Variants in ASB7 observed in about 807,000 individuals in gnomAD.
The protein encoded by ASB7 is ankyrin repeat and SOCS box protein 7.
Under a neutral mutation model 32.5 loss-of-function variants are expected in ASB7, and 4 were observed. The ratio of observed to expected loss-of-function variants is 0.12; its 90% CI spans 0.06 to 0.28. The LOEUF is 0.28. Among genes scored for constraint, ASB7 ranks in the 10% least tolerant of loss-of-function variants. The pLI is 1.00. For synonymous variants in ASB7, 172 were observed against 155.6 expected, an observed-to-expected ratio of 1.11 and a Z score of -0.78; for missense variants, 181 against 407.1, an observed-to-expected ratio of 0.44 and a Z score of 4.78.
At chr15:100,636,749 A>G (rs917940154) in intron 5 of ASB7, among the ~76,000 whole-genome samples, 1 of 152,128 alleles carries the variant, frequency 6.6e-6, no homozygotes, top group South Asian at 2.1e-4. Context: ...ACAAAACAAA[A>G]ATTGTTTTTT....
intron 5 of ASB7, among the ~76,000 whole-genome samples, chr15:100,635,143 C>T (rs779920651): frequency 2.6e-5 from 4 of 152,200 alleles, no homozygotes; most frequent in Non-Finnish European, 5.9e-5. Flanking sequence ...CACCTTGTCA[C>T]TCCTGTTTCC....
At chr15:100,623,479 G>C (rs1371638866) in intron 4 of ASB7, among the ~76,000 whole-genome samples, 2 of 152,180 alleles carry the variant, frequency 1.3e-5, no homozygotes, top group Non-Finnish European at 2.9e-5. Flanking sequence ...GCAGGCATGT[G>C]AAAAATTGCT....
At chr15:100,612,117 A>G in intron 3 of ASB7, 49 bp from the exon 4 acceptor site, 1 of 976,954 alleles carries the variant, frequency 1.0e-6, no homozygotes, top group East Asian at 2.6e-5. Context: ...ATGCAGTATC[A>G]GGAACCAGTT....
chr15:100,629,906 G>C lies in ASB7; in HGVS notation c.681G>C (p.Val227=), dbSNP rs1567115944. 1.9e-6 allele frequency: 3 copies of C among 1,614,188 alleles called. No homozygotes were observed. Among genetic ancestry groups the C allele is most frequent in the Non-Finnish European group, 2.5e-6 (3 of 1,180,026 alleles). Residue 227 remains valine, a synonymous_variant, in exon 5 of 6, where the codon GTG becomes GTC. Coordinates refer to ENST00000332783, the MANE Select transcript of ASB7 (RefSeq NM_198243.3). The surrounding 1 kb of genome is among the most constrained non-coding windows in gnomAD (Gnocchi z 6.8). ...PLHLSALRDD[V]LCARMLYNYG... Reference sequence around the variant, plus strand: ...ACTTATCTGCCCTTAGGGATGATGTGCTGTGTGCACGGATGTTATATAATT... The same window carrying C: ...ACTTATCTGCCCTTAGGGATGATGTCCTGTGTGCACGGATGTTATATAATT...
intron 5 of ASB7, among the ~76,000 whole-genome samples, chr15:100,635,493 G>A (rs1237268131): frequency 6.6e-6 from 1 of 152,118 alleles, no homozygotes; most frequent in Non-Finnish European, 1.5e-5. Context: ...CTGTGAATTG[G>A]GCTGTGAGTC....
chr15:100,604,020 T>A (rs1381538176), intron 2 of ASB7, among the ~76,000 whole-genome samples: 1 of 152,210 alleles, frequency 6.6e-6, no homozygotes, highest in Non-Finnish European at 1.5e-5. Context: ...ACAATGTTTC[T>A]TACACCTCAG....
chr15:100,629,903 T>G lies in ASB7; in HGVS notation c.678T>G (p.Asp226Glu). Reference protein sequence around the residue: ...TPLHLSALRDDVLCARMLYNY... With the variant: ...TPLHLSALRDEVLCARMLYNY... ...TACACTTATCTGCCCTTAGGGATGATGTGCTGTGTGCACGGATGTTATATA... is the reference window on the plus strand; with the variant it reads ...TACACTTATCTGCCCTTAGGGATGAGGTGCTGTGTGCACGGATGTTATATA... Residue 226 changes from aspartate (D) to glutamate (E), a missense_variant, in exon 5 of 6, where the codon GAT becomes GAG. Transcript: ENST00000332783. The surrounding 1 kb of genome is among the most constrained non-coding windows in gnomAD (Gnocchi z 6.8). 6.2e-7 allele frequency: 1 copy of G among 1,614,238 alleles called. No individual in the cohort carries two copies. Among genetic ancestry groups the G allele is most frequent in the Non-Finnish European group, 8.5e-7 (1 of 1,180,038 alleles).
chr15:100,629,990 A>G lies in ASB7; in HGVS notation c.765A>G (p.Ile255Met), dbSNP rs1233321149. ...GACAGACCCCATTGGCTGTTTCAAT[A>G]AGTATTTCTGGAAGTAGTCGACCAT... Reference protein sequence around the residue: ...YEGQTPLAVSISISGSSRPCL... With the variant: ...YEGQTPLAVSMSISGSSRPCL... The change falls in exon 5 of 6, where the codon ATA becomes ATG. Residue 255 changes from isoleucine (I) to methionine (M), a missense_variant. By Grantham distance (10) the Ile-to-Met change is conservative. Transcript: ENST00000332783. The surrounding 1 kb of genome is among the most constrained non-coding windows in gnomAD (Gnocchi z 6.8). The G allele has an allele frequency of 6.2e-7, 1 of 1,612,842 alleles. No homozygotes were observed. Among genetic ancestry groups the G allele is most frequent in the Non-Finnish European group, 8.5e-7 (1 of 1,179,100 alleles).
Position 100,629,738 on chromosome 15 carries a change from C to T in ASB7, c.513C>T (p.Asp171=). 6.2e-7 allele frequency: 1 copy of T among 1,614,218 alleles called. No individual in the cohort carries two copies. The highest frequency in any genetic ancestry group is 1.1e-5 in the South Asian group (1 of 91,088). ...CAAGCTGTGTGAAAATCCTCCTGGACCACAATGCCAACATCGACATTCAGA... is the reference window on the plus strand; with the variant it reads ...CAAGCTGTGTGAAAATCCTCCTGGATCACAATGCCAACATCGACATTCAGA... ...ERSSCVKILL[D]HNANIDIQNG... is the part of the protein sequence containing the mutation. Residue 171 remains aspartate (D), a synonymous_variant, in exon 5 of 6, where the codon GAC becomes GAT. Transcript: ENST00000332783. The surrounding 1 kb of genome is among the most constrained non-coding windows in gnomAD (Gnocchi z 6.8).
chr15:100,624,813 C>A (rs1303888946), intron 4 of ASB7, among the ~76,000 whole-genome samples: 1 of 152,044 alleles, frequency 6.6e-6, no homozygotes, highest in Non-Finnish European at 1.5e-5. Context: ...CAAACAAAGA[C>A]CTTGGAAGAA....
chr15:100,614,099 C>G (rs1278246657), intron 4 of ASB7, among the ~76,000 whole-genome samples: 1 of 151,970 alleles, frequency 6.6e-6, no homozygotes, highest in African/African-American at 2.4e-5. Flanking sequence ...GTGGCGAAAC[C>G]CCATCTCTAC....
rs1272287718 is a variant in ASB7 at position 100,645,647 on chromosome 15, C to A, written c.818-2676C>A. The A allele has an allele frequency of 7.6e-6, 9 of 1,182,524 alleles. No individual in the cohort carries two copies. The East Asian group carries it at 2.1e-4, about 28-fold the overall frequency. 73.3% of individuals were successfully genotyped at this position (1,182,524 alleles called of 1,614,324 possible). Reference sequence around the variant, plus strand: ...AGGAGACCGTTTTACTGATGTCTCCCAACCTGTATGTGAGGTTAGGGACGG... The same window carrying A: ...AGGAGACCGTTTTACTGATGTCTCCAAACCTGTATGTGAGGTTAGGGACGG... On this transcript the variant is annotated intron_variant, in intron 5 of 5. Coordinates refer to ENST00000332783, the MANE Select transcript of ASB7 (RefSeq NM_198243.3).
At chr15:100,638,688 T>A (rs1031914549) in intron 5 of ASB7, among the ~76,000 whole-genome samples, 5 of 152,220 alleles carry the variant, frequency 3.3e-5, no homozygotes. Flanking sequence ...TCTTTTTAAT[T>A]ATTATTTTAA....
chr15:100,604,815 AT>A (rs879435383), intron 2 of ASB7, among the ~76,000 whole-genome samples: 87 of 152,334 alleles, frequency 5.7e-4, no homozygotes, highest in Non-Finnish European at 9.6e-4. Context: ...AATTTTTATT[AT>A]GTAAGTATGG....
chr15:100,606,698 T>G (rs540757825), intron 2 of ASB7, among the ~76,000 whole-genome samples: 74 of 152,324 alleles, frequency 4.9e-4, no homozygotes, highest in Admixed American at 9.1e-4. Context: ...AAGCCTAGAT[T>G]CTTTTCTTTT....
intron 4 of ASB7, among the ~76,000 whole-genome samples, chr15:100,614,596 G>C (rs1331291894): frequency 6.6e-6 from 1 of 151,998 alleles, no homozygotes; most frequent in Non-Finnish European, 1.5e-5. Context: ...AAAACCAATG[G>C]TGGGGGGAAA....
chr15:100,612,339 T>C lies in ASB7; in HGVS notation c.123T>C (p.Asn41=). ...TGCTAGAACAAGGCTATTCCCCGAA[T>C]GGCCGAGATGCGAATGGCTGGACTC... ...RKMLEQGYSP[N]GRDANGWTLL... The change falls in exon 4 of 6, where the codon AAT becomes AAC. Residue 41 remains asparagine (N), a synonymous_variant. Transcript: ENST00000332783. 6.2e-7 allele frequency: 1 copy of C among 1,614,122 alleles called. No individual in the cohort carries two copies. The highest frequency in any genetic ancestry group is 8.5e-7 in the Non-Finnish European group (1 of 1,179,974).
At chr15:100,646,330 G>C (rs761102269) in intron 5 of ASB7, 2 of 378,368 alleles carry the variant, frequency 5.3e-6, no homozygotes, top group Non-Finnish European at 1.1e-5. Flanking sequence ...CCATACCTCT[G>C]TCCCTTGAAT....
rs567368669 is a variant in ASB7, at chr15:100,644,414, AG to A, written c.818-3908del. 4.1e-4 allele frequency among the ~76,000 whole-genome samples: 63 copies of A among 152,376 alleles called. 2 individuals are homozygous for A. The East Asian group carries it at 6.5e-3, about 16-fold the overall frequency. ...CAATGATAATTTATTCTTTTCCTAA[AG>A]TAGCCCATGAATAGTGTTGAAAAAT... On this transcript the variant is annotated intron_variant, in intron 5 of 5. Coordinates refer to ENST00000332783, the MANE Select transcript of ASB7 (RefSeq NM_198243.3).
Sources: allele counts gnomAD v4.1 joint callset (sites outside exome capture counted in the v4.1 genomes callset), GRCh38; gene constraint gnomAD v4.1.1; non-coding constraint Gnocchi (gnomAD v3.1); transcripts MANE v1.5; gene names NCBI Gene and HGNC (gene_info 2026-07-23, HGNC 2026-07-21).